Variants in GPX6 observed in about 807,000 individuals in gnomAD.
GPX6 encodes glutathione peroxidase 6 (olfactory).
In GPX6, 21 loss-of-function variants were observed where a neutral mutation model predicts 20.0. The observed-to-expected ratio is 1.05, with a 90% CI of 0.74 to 1.51. The LOEUF (loss-of-function observed/expected upper bound fraction) is 1.51. GPX6 is among the 40% of genes most tolerant of loss of function. GPX6 has a pLI of 0.00. For missense variants in GPX6, 233 were observed against 254.7 expected, an observed-to-expected ratio of 0.91 and a Z score of 0.58; for synonymous variants, 75 against 98.0, an observed-to-expected ratio of 0.77 and a Z score of 1.38.
Position 28,506,706 on chromosome 6 carries a change from A to AACACACAC in GPX6, c.242-285_242-278dup, listed in dbSNP as rs56155284. 7.5e-3 allele frequency among the ~76,000 whole-genome samples: 1,091 copies of AACACACAC among 145,160 alleles called. 6 individuals are homozygous for AACACACAC. The highest frequency in any genetic ancestry group is 0.011 in the Middle Eastern group (3 of 280). ...ATGAGAACTCTTATTTTTTTTTTTA[A>AACACACAC]ACACACACACACACACACACACACA... On this transcript the variant is annotated intron_variant, in intron 2 of 4. Coordinates refer to ENST00000361902, the MANE Select transcript of GPX6 (RefSeq NM_182701.1).
chr6:28,511,932 G>A (rs941539536), intron 1 of GPX6, among the ~76,000 whole-genome samples: 4 of 151,900 alleles, frequency 2.6e-5, no homozygotes, highest in African/African-American at 9.6e-5. Flanking sequence ...CCCGCACTCG[G>A]AGCGGCCAGC....
Position 28,506,422 on chromosome 6 carries a change from A to C in GPX6, c.249T>G (p.Asn83Lys). 1 of 1,605,106 alleles carries C rather than the reference A, an allele frequency of 6.2e-7. No homozygotes were observed. Among genetic ancestry groups the C allele is most frequent in the Non-Finnish European group, 8.5e-7 (1 of 1,171,686 alleles). ...UGLAAQYPEL[N>K]ALQEELKNFG... ...AATTCTTCAGCTCCTCCTGTAGTGC[A>C]TTCAGTTCTGTAAGTGGACAATGAA... is the stretch of plus-strand genomic sequence containing the variant. Residue 83 changes from asparagine to lysine, a missense_variant, in exon 3 of 5, where the codon AAT (asparagine) becomes AAG (lysine). Asn to Lys is a moderately conservative substitution (Grantham distance 94). Transcript: ENST00000361902.
Position 28,506,325 on chromosome 6 carries a change from G to A in GPX6, c.346C>T (p.Leu116Phe). 2 of 1,606,852 alleles carry A rather than the reference G, an allele frequency of 1.2e-6. No individual in the cohort carries two copies. The highest frequency in any genetic ancestry group is 1.7e-6 in the Non-Finnish European group (2 of 1,173,396). ...KQEPGTNSEI[L>F]LGLKYVCPGS... ...GCAAGCACTCACTTGAGACCAAGAA[G>A]TATTTCTGAGTTTGTTCCTGGTTCT... Residue 116 changes from leucine to phenylalanine, a missense_variant, in exon 3 of 5, where the codon CTT becomes TTT. Transcript: ENST00000361902.
chr6:28,512,197 A>C (rs1762892600), intron 1 of GPX6, among the ~76,000 whole-genome samples: 1 of 152,250 alleles, frequency 6.6e-6, no homozygotes, highest in Non-Finnish European at 1.5e-5. Context: ...ACTGGCAGGC[A>C]GCTCGGCCTG....
At chr6:28,508,196 A>T (rs536223073) in intron 2 of GPX6, among the ~76,000 whole-genome samples, 1 of 152,348 alleles carries the variant, frequency 6.6e-6, no homozygotes, top group South Asian at 2.1e-4. Flanking sequence ...AAACAAATTT[A>T]AGAGCAGCTT....
At chr6:28,512,348 C>G (rs914141575) in intron 1 of GPX6, among the ~76,000 whole-genome samples, 1 of 152,230 alleles carries the variant, frequency 6.6e-6, no homozygotes, top group African/African-American at 2.4e-5. Flanking sequence ...TGTAAACACA[C>G]CAATCAGCAC....
intron 1 of GPX6, among the ~76,000 whole-genome samples, chr6:28,514,100 AT>A (rs1339244082): frequency 2.0e-5 from 3 of 152,218 alleles, no homozygotes; most frequent in Non-Finnish European, 1.5e-5. Flanking sequence ...GAGCTAAATA[AT>A]TTCCAGCATT....
At position 28,513,093 on chromosome 6, in the gene GPX6, C is replaced by T. The variant is rs370629597; in HGVS notation, c.88-2189G>A. ...GACAGCGGAAGGACATGGAGTTTGG[C>T]CGGGCTCCAGGGAAAAACCATCTCT... On this transcript the variant is annotated intron_variant, in intron 1 of 4. Transcript: ENST00000361902. 9.8e-5 allele frequency among the ~76,000 whole-genome samples: 15 copies of T among 152,320 alleles called. No individual in the cohort carries two copies. The East Asian group carries it at 2.1e-3, about 22-fold the overall frequency.
chr6:28,515,744 G>A lies in GPX6; in HGVS notation c.-1C>T, dbSNP rs138819577. 5,586 of 1,612,974 alleles carry A rather than the reference G, an allele frequency of 3.5e-3. 19 individuals carry two copies. The highest frequency in any genetic ancestry group is 4.2e-3 in the Non-Finnish European group (4,974 of 1,178,966). On this transcript the variant is annotated 5_prime_UTR_variant, in exon 1 of 5. Transcript: ENST00000361902. ...AGGAGGCCTGGAACTGCTGGAACAT[G>A]GCTAGGAGTTTTAGACGACTCTGAG...
At chr6:28,513,602 A>G (rs950595839) in intron 1 of GPX6, among the ~76,000 whole-genome samples, 1 of 152,224 alleles carries the variant, frequency 6.6e-6, no homozygotes, top group East Asian at 1.9e-4. Flanking sequence ...TAAAGTTCAT[A>G]AAATAGCACA....
intron 2 of GPX6, 55 bp from the exon 3 acceptor site, chr6:28,506,484 C>G: frequency 1.1e-6 from 1 of 934,828 alleles, no homozygotes; most frequent in Non-Finnish European, 1.8e-6. Context: ...CTACCTCAAG[C>G]AGTGAAAGAT....
chr6:28,511,991 C>T (rs1225783199), intron 1 of GPX6, among the ~76,000 whole-genome samples: 2 of 152,262 alleles, frequency 1.3e-5, no homozygotes, highest in African/African-American at 2.4e-5. Context: ...AGCTGCTGTG[C>T]TCGACTTCTC....
At chr6:28,513,168 G>A (rs1001454997) in intron 1 of GPX6, among the ~76,000 whole-genome samples, 6 of 152,114 alleles carry the variant, frequency 3.9e-5, no homozygotes, top group Non-Finnish European at 5.9e-5. Context: ...ATAAAACCTT[G>A]CACTTATTCT....
chr6:28,512,264 G>T (rs1484074404), intron 1 of GPX6, among the ~76,000 whole-genome samples: 1 of 152,250 alleles, frequency 6.6e-6, no homozygotes, highest in Non-Finnish European at 1.5e-5. Flanking sequence ...GTCTGGTGGG[G>T]ACTGGGAGAA....
At chr6:28,514,940 A>T (rs1762997276) in intron 1 of GPX6, among the ~76,000 whole-genome samples, 1 of 152,166 alleles carries the variant, frequency 6.6e-6, no homozygotes, top group Non-Finnish European at 1.5e-5. Context: ...ATATATACAC[A>T]TCTTTCACAG....
intron 1 of GPX6, among the ~76,000 whole-genome samples, chr6:28,514,585 A>G (rs769983608): frequency 2.7e-4 from 41 of 152,228 alleles, no homozygotes; most frequent in Non-Finnish European, 5.6e-4. Context: ...CAGAGATTAA[A>G]GCTCAAAGCT....
rs778718821 is a variant in GPX6 at position 28,504,513 on chromosome 6, T to C, written c.460-15A>G. 1.2e-5 allele frequency: 19 copies of C among 1,607,366 alleles called. No individual in the cohort carries two copies. Among genetic ancestry groups the C allele is most frequent in the Non-Finnish European group, 1.5e-5 (18 of 1,174,742 alleles). ...GGGCAGGAGTTCTGGAGCAGAGATA[T>C]AGAAAGTAGAGATATACATTTATTT... On this transcript the variant is annotated splice_polypyrimidine_tract_variant and intron_variant, in intron 4 of 4. Transcript: ENST00000361902.
intron 1 of GPX6, among the ~76,000 whole-genome samples, chr6:28,513,362 C>G (rs771034268): frequency 1.3e-5 from 2 of 152,196 alleles, no homozygotes; most frequent in Admixed American, 6.5e-5. Flanking sequence ...AACATTCACT[C>G]CTAGACACTG....
At chr6:28,510,609 A>G in intron 2 of GPX6, 142 bp downstream of exon 2, 1 of 710,524 alleles carries the variant, frequency 1.4e-6, no homozygotes. Flanking sequence ...GGAGCAGAGC[A>G]GGAGCAGCAT....
Sources: gnomAD v4.1 joint callset for allele counts (sites outside exome capture counted in the v4.1 genomes callset) on GRCh38, gnomAD v4.1.1 for gene constraint, MANE v1.5 for transcripts, NCBI Gene and HGNC (gene_info 2026-07-23, HGNC 2026-07-21) for gene names.